Variants in NLE1 observed in about 807,000 individuals in gnomAD.
NLE1 encodes the protein notchless homolog 1.
Under a neutral mutation model 62.8 loss-of-function variants are expected in NLE1, and 37 were observed. The observed-to-expected ratio is 0.59, with a 90% confidence interval of 0.45 to 0.78. The LOEUF (loss-of-function observed/expected upper bound fraction) is 0.78, where lower values mean the gene tolerates loss of function less well. Among genes scored for constraint, NLE1 ranks in the 30% least tolerant of loss-of-function variants. NLE1 has a pLI of 0.00. For missense variants in NLE1, 555 were observed against 637.9 expected (o/e 0.87, Z 1.40); for synonymous variants, 243 against 253.0 (o/e 0.96, Z 0.37).
intron 5 of NLE1, 32 bp downstream of exon 5, chr17:35,137,782 G>A: frequency 6.4e-7 from 1 of 1,572,856 alleles, no homozygotes; most frequent in Non-Finnish European, 8.7e-7. Context: ...GCCCCCTTGA[G>A]TCTCTGCCTA....
rs2091949648 is a variant in NLE1, at chr17:35,142,286, C to G, written c.-11G>C. On this transcript the variant is annotated 5_prime_UTR_variant, in exon 1 of 13. Coordinates refer to ENST00000442241, the MANE Select transcript of NLE1 (RefSeq NM_018096.5). ...CACTGCTGCCGCCATCCTGCGTCCC[C>G]ACGTGGAGGAGAAAGAGCCCGGCAG... The G allele has an allele frequency of 6.5e-7, 1 of 1,539,474 alleles. No individual in the cohort carries two copies. The highest frequency in any genetic ancestry group is 8.7e-7 in the Non-Finnish European group (1 of 1,145,748).
intron 2 of NLE1, among the ~76,000 whole-genome samples, chr17:35,141,417 GCGCCT>G (rs2091942909): frequency 6.6e-6 from 1 of 151,982 alleles, no homozygotes; most frequent in Non-Finnish European, 1.5e-5. Context: ...GTGGTGGCGC[GCGCCT>G]GTAGTCCCAG....
rs150444331 is a variant in NLE1 at position 35,140,622 on chromosome 17, G to C, written c.163-556C>G. On this transcript the variant is annotated intron_variant, in intron 2 of 12. Coordinates refer to ENST00000442241, the MANE Select transcript of NLE1 (RefSeq NM_018096.5). ...TCTTTTTTTTTTGAGATGGAGTCTCGTTCTGTTACTCAGGCTGGAGTGCAG... is the reference window on the plus strand; with the variant it reads ...TCTTTTTTTTTTGAGATGGAGTCTCCTTCTGTTACTCAGGCTGGAGTGCAG... Among the ~76,000 whole-genome samples the C allele has an allele frequency of 8.7e-3, 1,316 of 150,932 alleles. 20 individuals carry two copies. The highest frequency in any genetic ancestry group is 0.03 in the African/African-American group (1,211 of 41,040).
Position 35,129,631 on chromosome 17 carries a change from G to C in NLE1, c.*2806C>G. ...GTGTCCGTGCAGCCAACACAGCTGGGGTGGGGAAGTGGTGCAAGCCCTACA... is the reference window on the plus strand; with the variant it reads ...GTGTCCGTGCAGCCAACACAGCTGGCGTGGGGAAGTGGTGCAAGCCCTACA... On this transcript the variant is annotated 3_prime_UTR_variant, in exon 13 of 13. Coordinates refer to ENST00000442241, the MANE Select transcript of NLE1 (RefSeq NM_018096.5). 6.2e-7 allele frequency: 1 copy of C among 1,614,122 alleles called. No individual in the cohort carries two copies. The highest frequency in any genetic ancestry group is 1.7e-5 in the Admixed American group (1 of 60,020).
intron 7 of NLE1, 60 bp from the exon 8 acceptor site, chr17:35,136,557 C>T (rs2091910204): frequency 1.9e-6 from 3 of 1,564,704 alleles, no homozygotes; most frequent in South Asian, 2.3e-5. Context: ...GGCGATTAGC[C>T]CCAGGAGACA....
intron 3 of NLE1, 73 bp from the exon 4 acceptor site, chr17:35,139,387 T>A: frequency 8.1e-7 from 1 of 1,240,114 alleles, no homozygotes; most frequent in Non-Finnish European, 1.2e-6. Flanking sequence ...TTTCTGTGAA[T>A]AGAATATGGA....
At chr17:35,133,045 C>T in intron 12 of NLE1, 126 bp downstream of exon 12, 2 of 926,248 alleles carry the variant, frequency 2.2e-6, no homozygotes, top group African/African-American at 1.6e-5. Context: ...CTCCACACGC[C>T]TCCTCAAGAC....
Position 35,129,556 on chromosome 17 carries a change from C to A in NLE1, c.*2881G>T, listed in dbSNP as rs1312622102. The A allele has an allele frequency of 6.2e-7, 1 of 1,614,046 alleles. No individual in the cohort carries two copies. Among genetic ancestry groups the A allele is most frequent in the African/African-American group, 1.3e-5 (1 of 74,904 alleles). Reference sequence around the variant, plus strand: ...CATGGATCTTCAACAAGATTTTGGGCACTACTGTCAAGCTGATGGAGCTAA... The same window carrying A: ...CATGGATCTTCAACAAGATTTTGGGAACTACTGTCAAGCTGATGGAGCTAA... On this transcript the variant is annotated 3_prime_UTR_variant, in exon 13 of 13. Transcript: ENST00000442241.
At chr17:35,135,651 ACT>A (rs1219699789) in intron 9 of NLE1, among the ~76,000 whole-genome samples, 200 bp from the exon 10 acceptor site, 2 of 152,170 alleles carry the variant, frequency 1.3e-5, no homozygotes, top group Non-Finnish European at 2.9e-5. Context: ...GGAAAAAGAA[ACT>A]CTACATGCAT....
Position 35,129,234 on chromosome 17 carries a change from G to C in NLE1, c.*3203C>G. ...AAAGTGGGTGGGGCTGCCCAGGAGA[G>C]TAGTACATGCTTCGGGGCAGGGGTT... is the stretch of plus-strand genomic sequence containing the variant. On this transcript the variant is annotated 3_prime_UTR_variant, in exon 13 of 13. Transcript: ENST00000442241. 4.2e-6 allele frequency: 3 copies of C among 711,684 alleles called. No homozygotes were observed. The South Asian group carries it at 5.3e-5, about 12-fold the overall frequency. The allele number at this position is 711,684 out of a possible 1,614,324, so 44.1% of individuals were successfully genotyped here.
At position 35,129,328 on chromosome 17, in the gene NLE1, T is replaced by C; in HGVS notation, c.*3109A>G. Reference sequence around the variant, plus strand: ...CCTGGGCCCCAGCAGGAGCAGGGGATGGGCATGGGACGTCCTGACCCCAGT... The same window carrying C: ...CCTGGGCCCCAGCAGGAGCAGGGGACGGGCATGGGACGTCCTGACCCCAGT... On this transcript the variant is annotated 3_prime_UTR_variant, in exon 13 of 13. Transcript: ENST00000442241. The C allele has an allele frequency of 1.3e-6, 2 of 1,497,890 alleles. No individual in the cohort carries two copies. The highest frequency in any genetic ancestry group is 1.4e-5 in the African/African-American group (1 of 72,400). The allele number at this position is 1,497,890 out of a possible 1,614,324, so 92.8% of individuals were successfully genotyped here. A position where few individuals can be genotyped will look rare whatever the true frequency, so the allele number is the denominator to read the frequency against.
chr17:35,132,454 G>A lies in NLE1; in HGVS notation c.1446-5C>T. ...GGGCCGTCTCATCTCCTCCATCTGT[G>A]GAGAAGGGAAGGGTGTCAGGATGGG... On this transcript the variant is annotated splice_region_variant and splice_polypyrimidine_tract_variant and intron_variant, in intron 12 of 12. Coordinates refer to ENST00000442241, the MANE Select transcript of NLE1 (RefSeq NM_018096.5). 1.4e-6 allele frequency: 2 copies of A among 1,404,490 alleles called. No homozygotes were observed. The highest frequency in any genetic ancestry group is 1.9e-6 in the Non-Finnish European group (2 of 1,073,852). The allele number at this position is 1,404,490 out of a possible 1,614,324, so 87.0% of individuals were successfully genotyped here.
chr17:35,130,003 A>G lies in NLE1; in HGVS notation c.*2434T>C. On this transcript the variant is annotated 3_prime_UTR_variant, in exon 13 of 13. Coordinates refer to ENST00000442241, the MANE Select transcript of NLE1 (RefSeq NM_018096.5). ...AAGAAATAGGGAAGACAAGAGGCTA[A>G]AGGGGGACGAAGAAGGGAACAGCCT... The G allele has an allele frequency of 2.2e-6, 3 of 1,382,732 alleles. No individual in the cohort carries two copies. The highest frequency in any genetic ancestry group is 2.8e-6 in the Non-Finnish European group (3 of 1,070,246). 85.7% of individuals were successfully genotyped at this position (1,382,732 alleles called of 1,614,324 possible).
chr17:35,129,910 C>T lies in NLE1; in HGVS notation c.*2527G>A, dbSNP rs543517567. 1 of 1,393,422 alleles carries T rather than the reference C, an allele frequency of 7.2e-7. No individual in the cohort carries two copies. Among genetic ancestry groups the T allele is most frequent in the Admixed American group, 3.0e-5 (1 of 33,748 alleles). The allele number at this position is 1,393,422 out of a possible 1,614,324, so 86.3% of individuals were successfully genotyped here. On this transcript the variant is annotated 3_prime_UTR_variant, in exon 13 of 13. Transcript: ENST00000442241. ...CACTATAATGTTCCCCTTCCAAAGC[C>T]ATTGGTTTTTAGACTCTGCAATTCA...
At position 35,136,235 on chromosome 17, in the gene NLE1, G is replaced by A. The variant is rs748050840; in HGVS notation, c.965-20C>T. ...CCTGCACTGTGACCAGGTACCGGAG[G>A]GGAGAAAAGGAGATGAGGAAGAAGG... is the stretch of plus-strand genomic sequence containing the variant. On this transcript the variant is annotated intron_variant, in intron 8 of 12. Transcript: ENST00000442241. 44 of 1,613,746 alleles carry A rather than the reference G, an allele frequency of 2.7e-5. No homozygotes were observed. The highest frequency in any genetic ancestry group is 3.6e-5 in the Non-Finnish European group (42 of 1,179,830).
chr17:35,139,827 A>C, intron 3 of NLE1, 22 bp downstream of exon 3: 2 of 1,607,082 alleles, frequency 1.2e-6, no homozygotes, highest in Non-Finnish European at 8.5e-7. Flanking sequence ...TACCCCCTCC[A>C]TGAGTCTGCA....
In NLE1 at chr17:35,140,902, T is replaced by C. The variant is rs143003407; in HGVS notation, c.163-836A>G. 9.6e-3 allele frequency among the ~76,000 whole-genome samples: 1,459 copies of C among 152,332 alleles called. 28 individuals are homozygous for C. Among genetic ancestry groups the C allele is most frequent in the African/African-American group, 0.034 (1,397 of 41,580 alleles). The stretch of plus-strand genomic sequence containing the variant: ...ACTGCACCCGGCCTGAAATTCTTTA[T>C]CTGCATCTCATAACAACCGTGGGAA... On this transcript the variant is annotated intron_variant, in intron 2 of 12. Coordinates refer to ENST00000442241, the MANE Select transcript of NLE1 (RefSeq NM_018096.5).
intron 3 of NLE1, 43 bp downstream of exon 3, chr17:35,139,806 G>A (rs903785539): frequency 5.0e-6 from 8 of 1,596,790 alleles, no homozygotes; most frequent in Non-Finnish European, 6.8e-6. Context: ...GGCAAAGACT[G>A]CACCCCCACA....
At chr17:35,141,950 A>T (rs1428664837) in intron 2 of NLE1, 29 bp downstream of exon 2, 4 of 1,547,240 alleles carry the variant, frequency 2.6e-6, no homozygotes, top group Non-Finnish European at 3.5e-6. Context: ...GGGGGTGGAG[A>T]TGCGAGGCCG....
Sources: gnomAD v4.1 joint callset for allele counts (sites outside exome capture counted in the v4.1 genomes callset) on GRCh38, gnomAD v4.1.1 for gene constraint, MANE v1.5 for transcripts, NCBI Gene and HGNC (gene_info 2026-07-23, HGNC 2026-07-21) for gene names.